Variants in RABGEF1 observed in about 807,000 individuals in gnomAD.
The protein encoded by RABGEF1 is RAB guanine nucleotide exchange factor 1, also known as rab5 GDP/GTP exchange factor.
RABGEF1 carries 26 observed loss-of-function variants against 57.3 expected under a neutral mutation model. The ratio of observed to expected loss-of-function variants is 0.45; its 90% confidence interval spans 0.33 to 0.63. RABGEF1 has a LOEUF of 0.63. RABGEF1 is among the 20% of genes least tolerant of loss of function. The pLI is 0.02. For synonymous variants in RABGEF1, 185 were observed against 210.7 expected (o/e 0.88, Z 1.06); for missense variants, 464 against 607.6 (o/e 0.76, Z 2.48).
chr7:66,723,861 T>C (rs184096019), intron 2 of RABGEF1, among the ~76,000 whole-genome samples: 1 of 152,216 alleles, frequency 6.6e-6, no homozygotes, highest in African/African-American at 2.4e-5. Flanking sequence ...ATTACAGGTG[T>C]GAGCCACCAT....
intron 4 of RABGEF1, among the ~76,000 whole-genome samples, chr7:66,788,255 G>C (rs187606287): frequency 1.3e-3 from 200 of 152,186 alleles, no homozygotes; most frequent in African/African-American, 4.6e-3. Flanking sequence ...GACCAGCCTG[G>C]CCAATATGGT....
At chr7:66,723,931 C>T (rs1012572016) in intron 2 of RABGEF1, among the ~76,000 whole-genome samples, 3 of 152,120 alleles carry the variant, frequency 2.0e-5, no homozygotes, top group African/African-American at 7.2e-5. Flanking sequence ...TACATTAATC[C>T]ACATATTTGC....
chr7:66,714,832 G>C lies in RABGEF1; in HGVS notation c.-815+2608G>C, dbSNP rs1294855000. 3.9e-5 allele frequency among the ~76,000 whole-genome samples: 6 copies of C among 152,198 alleles called. No individual in the cohort carries two copies. In the South Asian group the frequency reaches 1.2e-3, roughly 31 times the overall value. On this transcript the variant is annotated intron_variant and NMD_transcript_variant, in intron 2 of 9. Transcript: ENST00000607882. ...CTCCTGTAGTTCCAGCTACTCGAGA[G>C]GCTGAGGCAGGAGAATGGTGTGAAC... is the stretch of plus-strand genomic sequence containing the variant.
At chr7:66,775,201 C>G (rs745391590) in intron 2 of RABGEF1, 26 bp from the exon 3 acceptor site, 22 of 1,590,604 alleles carry the variant, frequency 1.4e-5, no homozygotes. Context: ...ATATCTAGGT[C>G]ATTCTAATCC....
At chr7:66,772,928 ATAAAT>A (rs1347848876) in intron 2 of RABGEF1, among the ~76,000 whole-genome samples, 1 of 151,870 alleles carries the variant, frequency 6.6e-6, no homozygotes, top group African/African-American at 2.4e-5. Context: ...AAATAAATAA[ATAAAT>A]AAATAAATGA....
chr7:66,721,924 G>A (rs1034325114), intron 2 of RABGEF1, among the ~76,000 whole-genome samples: 1 of 152,284 alleles, frequency 6.6e-6, no homozygotes, highest in Non-Finnish European at 1.5e-5. Flanking sequence ...GCTGAGGTGG[G>A]AGGATCACTT....
intron 1 of RABGEF1, among the ~76,000 whole-genome samples, chr7:66,752,873 T>A (rs1801758083): frequency 6.6e-6 from 1 of 152,066 alleles, no homozygotes; most frequent in Admixed American, 6.6e-5. Flanking sequence ...CCCTGGAGAG[T>A]GTGGAAGGGA....
chr7:66,758,412 C>G (rs1803318792), intron 1 of RABGEF1, among the ~76,000 whole-genome samples: 1 of 152,134 alleles, frequency 6.6e-6, no homozygotes, highest in Non-Finnish European at 1.5e-5. Context: ...CTCTGTCTTC[C>G]CTGACATAAG....
At chr7:66,658,533 C>CAA in the RABGEF1 span, among the ~76,000 whole-genome samples, 16 of 75,528 alleles carry the variant, frequency 2.1e-4, no homozygotes, top group East Asian at 3.4e-4. Flanking sequence ...ACTTCGTCTC[C>CAA]AAAAAAAAAA....
chr7:66,805,077 T>C, intron 7 of RABGEF1, 63 bp from the exon 8 acceptor site: 2 of 1,501,326 alleles, frequency 1.3e-6, no homozygotes, highest in Admixed American at 3.5e-5. Flanking sequence ...AAACATGATT[T>C]TCCTATTGCT....
At chr7:66,732,123 C>T (rs562410353) in intron 2 of RABGEF1, among the ~76,000 whole-genome samples, 8 of 152,324 alleles carry the variant, frequency 5.3e-5, no homozygotes, top group East Asian at 1.9e-4. Context: ...CTAGAACGCC[C>T]GGCTCACCAG....
chr7:66,713,278 A>G (rs1794992179), intron 2 of RABGEF1, among the ~76,000 whole-genome samples: 1 of 151,526 alleles, frequency 6.6e-6, no homozygotes, highest in South Asian at 2.1e-4. Flanking sequence ...AGTAGGTGGG[A>G]CTACAGGTGC....
chr7:66,706,502 C>T (rs953126378), intron 1 of RABGEF1, among the ~76,000 whole-genome samples: 9 of 151,894 alleles, frequency 5.9e-5, no homozygotes, highest in African/African-American at 2.2e-4. Context: ...CTTTGCCTCC[C>T]GGGTTCAAGC....
upstream of RABGEF1, chr7:66,739,860 T>C (rs1798545513): frequency 6.6e-6 from 1 of 152,230 alleles, no homozygotes; most frequent in Non-Finnish European, 1.5e-5. Flanking sequence ...TATTTACTGT[T>C]TTTAACATTC....
chr7:66,809,519 T>C lies in RABGEF1; in HGVS notation c.*235T>C. 2.5e-6 allele frequency: 1 copy of C among 398,250 alleles called. No homozygotes were observed. The highest frequency in any genetic ancestry group is 4.1e-5 in the East Asian group (1 of 24,570). The allele number at this position is 398,250 out of a possible 1,614,324, so 24.7% of individuals were successfully genotyped here. On this transcript the variant is annotated 3_prime_UTR_variant, in exon 9 of 9. Coordinates refer to ENST00000284957, the MANE Select transcript of RABGEF1 (RefSeq NM_014504.3). Reference sequence around the variant, plus strand: ...ATTTAAGGCTTGTGTGCAAATTTTGTCTCAATCTTTTTTCCCTCCATGATT... The same window carrying C: ...ATTTAAGGCTTGTGTGCAAATTTTGCCTCAATCTTTTTTCCCTCCATGATT...
intron 8 of RABGEF1, among the ~76,000 whole-genome samples, chr7:66,807,022 G>A (rs769214482): frequency 6.6e-5 from 10 of 152,144 alleles, no homozygotes; most frequent in Non-Finnish European, 2.9e-5. Context: ...TATCCAAAGC[G>A]AGTCAGACAA....
Position 66,721,992 on chromosome 7 carries a change from T to C in RABGEF1, c.-815+9768T>C, listed in dbSNP as rs1796103706. On this transcript the variant is annotated intron_variant and NMD_transcript_variant, in intron 2 of 9. Transcript: ENST00000607882. The stretch of plus-strand genomic sequence containing the variant: ...TATAGTGAGACCCCCCCTCCGTCTT[T>C]TCAAAAAATCAAAAAAATTAGCTGG... Among the ~76,000 whole-genome samples the C allele has an allele frequency of 2.0e-5, 3 of 151,760 alleles. No homozygotes were observed. In the South Asian group the frequency reaches 6.2e-4, roughly 32 times the overall value.
At chr7:66,689,182 A>G (rs1012060186) in intron 1 of RABGEF1, among the ~76,000 whole-genome samples, 8 of 152,186 alleles carry the variant, frequency 5.3e-5, no homozygotes, top group Non-Finnish European at 1.2e-4. Context: ...GAAGAGCTAA[A>G]CCCAAGCTAG....
upstream of RABGEF1, among the ~76,000 whole-genome samples, chr7:66,677,568 C>T (rs1025965789): frequency 5.3e-5 from 8 of 152,052 alleles, no homozygotes; most frequent in African/African-American, 1.9e-4. Flanking sequence ...CGAGACCATC[C>T]TGGCTAACAT....
Sources: gnomAD v4.1 joint callset for allele counts (sites outside exome capture counted in the v4.1 genomes callset) on GRCh38, gnomAD v4.1.1 for gene constraint, MANE v1.5 for transcripts, NCBI Gene and HGNC (gene_info 2026-07-23, HGNC 2026-07-21) for gene names.